Variants in DLGAP4 observed in about 807,000 individuals in gnomAD.
DLGAP4 encodes the protein DLG associated protein 4.
A neutral mutation model predicts 86.9 loss-of-function variants in DLGAP4; 18 were observed. That is an observed-to-expected ratio of 0.21 (90% CI 0.14 to 0.31). The LOEUF is 0.31. DLGAP4 is among the 10% of genes least tolerant of loss of function. The probability of loss-of-function intolerance (pLI) is 1.00; values close to 1 mark genes in which losing one functional copy is unlikely to be tolerated. For synonymous variants in DLGAP4, 548 were observed against 574.3 expected (o/e 0.95, Z 0.65); for missense variants, 1,085 against 1,362.6 (o/e 0.80, Z 3.21).
chr20:36,443,994 G>A (rs1346069438), intron 6 of DLGAP4, among the ~76,000 whole-genome samples: 1 of 152,116 alleles, frequency 6.6e-6, no homozygotes, highest in Non-Finnish European at 1.5e-5. Flanking sequence ...GGAAACGATG[G>A]GCCAAGGGTT....
intron 6 of DLGAP4, among the ~76,000 whole-genome samples, chr20:36,445,886 A>G (rs892218234): frequency 2.6e-5 from 4 of 152,190 alleles, no homozygotes; most frequent in African/African-American, 9.7e-5. Flanking sequence ...CTCAAAGAGT[A>G]TGTGCATGGT....
intron 1 of DLGAP4, among the ~76,000 whole-genome samples, chr20:36,320,753 C>A (rs1304098630): frequency 1.3e-5 from 2 of 152,112 alleles, no homozygotes; most frequent in Non-Finnish European, 2.9e-5. Context: ...GAGGGGGACA[C>A]TGATGAGACA....
intron 7 of DLGAP4, among the ~76,000 whole-genome samples, chr20:36,481,148 C>G (rs2035169471): frequency 6.6e-6 from 1 of 152,206 alleles, no homozygotes; most frequent in Admixed American, 6.5e-5. Flanking sequence ...CTTCAGTTTC[C>G]TCCCTGGCAT....
intron 1 of DLGAP4, among the ~76,000 whole-genome samples, chr20:36,313,560 A>G (rs1037898030): frequency 2.0e-5 from 3 of 150,962 alleles, no homozygotes; most frequent in Non-Finnish European, 4.4e-5. Flanking sequence ...GGGGGGGGTC[A>G]CCTGCAATTG....
At chr20:36,346,022 G>T (rs1392696257) in intron 1 of DLGAP4, among the ~76,000 whole-genome samples, 2 of 152,190 alleles carry the variant, frequency 1.3e-5, no homozygotes, top group Admixed American at 1.3e-4. Context: ...CTCCCAAAGT[G>T]CTGGGACTAC....
At chr20:36,504,053 G>A (rs2036259693) in intron 10 of DLGAP4, among the ~76,000 whole-genome samples, 1 of 152,018 alleles carries the variant, frequency 6.6e-6, no homozygotes, top group Admixed American at 6.5e-5. Flanking sequence ...GAAATGCTAG[G>A]TCAAACTTCG....
intron 7 of DLGAP4, among the ~76,000 whole-genome samples, chr20:36,451,627 A>G (rs1380324682): frequency 1.3e-5 from 2 of 152,220 alleles, no homozygotes; most frequent in Non-Finnish European, 2.9e-5. Context: ...CTGGGATTAC[A>G]GGTGTGAGCC....
intron 2 of DLGAP4, among the ~76,000 whole-genome samples, chr20:36,391,287 G>GGCAGC (rs2031776695): frequency 6.6e-6 from 1 of 152,196 alleles, no homozygotes; most frequent in Non-Finnish European, 1.5e-5. Flanking sequence ...CAGCACAGCT[G>GGCAGC]AAAGCTCTCC....
intron 10 of DLGAP4, among the ~76,000 whole-genome samples, chr20:36,521,268 C>A (rs1162500232): frequency 6.6e-6 from 1 of 152,178 alleles, no homozygotes; most frequent in Non-Finnish European, 1.5e-5. Flanking sequence ...TAACCATGAT[C>A]CCTCTGATTT....
chr20:36,503,479 CTTTTTTTTTTT>C (rs982287997), intron 10 of DLGAP4, among the ~76,000 whole-genome samples: 1 of 109,906 alleles, frequency 9.1e-6, no homozygotes, highest in African/African-American at 4.8e-5. Flanking sequence ...CATATATGGC[CTTTTTTTTTTT>C]TTTTTTTTTT....
intron 2 of DLGAP4, among the ~76,000 whole-genome samples, chr20:36,407,047 A>T (rs2032345092): frequency 6.6e-6 from 1 of 152,080 alleles, no homozygotes; most frequent in East Asian, 1.9e-4. Context: ...TTACCAGAGG[A>T]ACTAGAGCCT....
chr20:36,429,909 C>T (rs937901472), intron 2 of DLGAP4, among the ~76,000 whole-genome samples: 2 of 152,214 alleles, frequency 1.3e-5, no homozygotes, highest in African/African-American at 4.8e-5. Context: ...GTGCTGTGAC[C>T]TGACCCAGCC....
chr20:36,497,214 A>G lies in DLGAP4; in HGVS notation c.2010+148A>G, dbSNP rs1424202731. ...GGATCAGCCCCAAGTGGCCAAACCG[A>G]ATTCCACCCATAGCCACGCCTCGCT... On this transcript the variant is annotated intron_variant, in intron 8 of 12. Coordinates refer to ENST00000339266, the MANE Select transcript of DLGAP4 (RefSeq NM_001365621.2). 1.7e-5 allele frequency: 25 copies of G among 1,447,462 alleles called. No individual in the cohort carries two copies. The Admixed American group carries it at 5.0e-4, about 29-fold the overall frequency. 89.7% of individuals were successfully genotyped at this position (1,447,462 alleles called of 1,614,324 possible). A position where few individuals can be genotyped will look rare whatever the true frequency, so the allele number is the denominator to read the frequency against.
intron 1 of DLGAP4, among the ~76,000 whole-genome samples, chr20:36,330,557 GAT>G (rs2065257175): frequency 8.7e-6 from 1 of 115,242 alleles, no homozygotes; most frequent in African/African-American, 4.4e-5. Context: ...TGACTTTTGG[GAT>G]TTTTTTTTTT....
intron 7 of DLGAP4, chr20:36,472,990 A>G (rs2147670863): frequency 6.6e-6 from 1 of 152,396 alleles, no homozygotes; most frequent in African/African-American, 2.4e-5. Flanking sequence ...GACAGCCAGT[A>G]GGATGGGTTC....
At chr20:36,449,586 C>T (rs1241503981) in intron 7 of DLGAP4, among the ~76,000 whole-genome samples, 1 of 152,204 alleles carries the variant, frequency 6.6e-6, no homozygotes, top group African/African-American at 2.4e-5. Context: ...CACTCTGCTA[C>T]AGTTCCAAAG....
chr20:36,428,546 GC>G (rs1055162936), intron 2 of DLGAP4, among the ~76,000 whole-genome samples: 8 of 152,194 alleles, frequency 5.3e-5, no homozygotes, highest in African/African-American at 1.4e-4. Context: ...CTTTGCTGAG[GC>G]CACCTGGTAC....
Position 36,507,218 on chromosome 20 carries a change from T to TTTTTG in DLGAP4, c.2512+6627_2512+6631dup, listed in dbSNP as rs529394477. 6.1e-3 allele frequency among the ~76,000 whole-genome samples: 923 copies of TTTTTG among 151,988 alleles called. 11 individuals are homozygous for TTTTTG. Among genetic ancestry groups the TTTTTG allele is most frequent in the African/African-American group, 0.021 (858 of 41,348 alleles). On this transcript the variant is annotated intron_variant, in intron 10 of 12. Coordinates refer to ENST00000339266, the MANE Select transcript of DLGAP4 (RefSeq NM_001365621.2). ...ACTTGTGGGCACAAAAGTTGTTTTT[T>TTTTTG]TTTTGTTTTGTTTTGTTTTGTTTTT...
chr20:36,471,109 C>T (rs2034642446), intron 7 of DLGAP4, among the ~76,000 whole-genome samples: 1 of 152,100 alleles, frequency 6.6e-6, no homozygotes, highest in Non-Finnish European at 1.5e-5. Context: ...CCCGCCTTCA[C>T]CCCCAGATTC....
Sources: gnomAD v4.1 joint callset for allele counts (sites outside exome capture counted in the v4.1 genomes callset) on GRCh38, gnomAD v4.1.1 for gene constraint, MANE v1.5 for transcripts, NCBI Gene and HGNC (gene_info 2026-07-23, HGNC 2026-07-21) for gene names.